IMPA2: variants seen among roughly 807,000 people sequenced by gnomAD.
IMPA2 encodes the protein IMP 2.
A neutral mutation model predicts 35.1 loss-of-function variants in IMPA2; 32 were observed. The ratio of observed to expected loss-of-function variants is 0.91; its 90% CI spans 0.69 to 1.23. IMPA2 has a LOEUF of 1.23. Ranked by LOEUF, IMPA2 falls within the 50% of genes most tolerant of loss-of-function variation. The probability of loss-of-function intolerance (pLI) is 0.00; values close to 1 mark genes in which losing one functional copy is unlikely to be tolerated. For synonymous variants in IMPA2, 135 were observed against 160.6 expected (o/e 0.84, Z 1.20); for missense variants, 334 against 387.6 (o/e 0.86, Z 1.16).
rs184924145 is a variant in IMPA2, at chr18:12,016,299, G to A, written c.490+1926G>A. On this transcript the variant is annotated intron_variant, in intron 5 of 7. Transcript: ENST00000269159. Reference sequence around the variant, plus strand: ...GCCCATTCAGGACAGGCGGTTCCACGTGTTTTCTACCATGGTTGTTTTCTT... The same window carrying A: ...GCCCATTCAGGACAGGCGGTTCCACATGTTTTCTACCATGGTTGTTTTCTT... Among the ~76,000 whole-genome samples the A allele has an allele frequency of 2.1e-3, 318 of 152,228 alleles. 3 individuals are homozygous for A. In the East Asian group the frequency reaches 0.03, roughly 14 times the overall value.
At chr18:12,005,074 C>G (rs548800352) in intron 2 of IMPA2, among the ~76,000 whole-genome samples, 1 of 152,228 alleles carries the variant, frequency 6.6e-6, no homozygotes, top group East Asian at 1.9e-4. Context: ...AGACCGAGCA[C>G]GGTTCACGCC....
At chr18:11,998,330 A>G (rs1456373162) in intron 1 of IMPA2, among the ~76,000 whole-genome samples, 1 of 152,090 alleles carries the variant, frequency 6.6e-6, no homozygotes, top group Non-Finnish European at 1.5e-5. Context: ...CCTTGCTCCT[A>G]TGTATAGCTG....
intron 2 of IMPA2, chr18:12,008,455 C>A: frequency 2.0e-6 from 1 of 492,446 alleles, no homozygotes; most frequent in South Asian, 1.5e-5. Context: ...AGGCCTCACC[C>A]TTAGTGAACT....
intron 2 of IMPA2, among the ~76,000 whole-genome samples, chr18:11,999,962 T>C (rs966638755): frequency 1.3e-5 from 2 of 152,196 alleles, no homozygotes; most frequent in Non-Finnish European, 2.9e-5. Flanking sequence ...CTGAAGACCA[T>C]GCAAGGGATC....
chr18:12,016,940 C>T (rs764219573), intron 5 of IMPA2, among the ~76,000 whole-genome samples: 1 of 152,182 alleles, frequency 6.6e-6, no homozygotes, highest in Non-Finnish European at 1.5e-5. Flanking sequence ...CAAAACCAAT[C>T]AAGTCATGCC....
chr18:11,985,167 AAAGAG>A (rs1302661411), intron 1 of IMPA2, among the ~76,000 whole-genome samples: 2 of 148,508 alleles, frequency 1.3e-5, no homozygotes, highest in African/African-American at 2.5e-5. Context: ...AAAAAAAAAA[AAAGAG>A]AAAATACAAA....
At chr18:12,012,859 T>A (rs1419459391) in intron 4 of IMPA2, among the ~76,000 whole-genome samples, 1 of 152,222 alleles carries the variant, frequency 6.6e-6, no homozygotes, top group Non-Finnish European at 1.5e-5. Flanking sequence ...GCAGCATTTG[T>A]GCAGCTTCAC....
At chr18:12,026,034 ATTT>A (rs35644462) in intron 5 of IMPA2, among the ~76,000 whole-genome samples, 15 of 109,856 alleles carry the variant, frequency 1.4e-4, no homozygotes, top group East Asian at 5.2e-4. Flanking sequence ...TCAAAAGAGC[ATTT>A]TTTTTTTTTT....
intron 2 of IMPA2, among the ~76,000 whole-genome samples, chr18:12,002,944 G>T (rs1014275300): frequency 1.3e-5 from 2 of 151,854 alleles, no homozygotes; most frequent in African/African-American, 4.8e-5. Context: ...TGTAATCCCT[G>T]CACTTTGGGA....
chr18:11,982,679 G>C (rs1906538814), intron 1 of IMPA2, among the ~76,000 whole-genome samples: 1 of 151,984 alleles, frequency 6.6e-6, no homozygotes, highest in African/African-American at 2.4e-5. Flanking sequence ...CTTAGTTCCA[G>C]CTATTTGGGA....
rs372706058 is a variant in IMPA2 at position 11,991,498 on chromosome 18, C to T, written c.97-7556C>T. 2.9e-3 allele frequency among the ~76,000 whole-genome samples: 435 copies of T among 152,272 alleles called. 2 individuals are homozygous for T. The highest frequency in any genetic ancestry group is 0.01 in the African/African-American group (416 of 41,550). The stretch of plus-strand genomic sequence containing the variant: ...ACACCATGTGATAGGCGTGTTATTA[C>T]CTGGGTACCCGATGAACTGTTAGGT... On this transcript the variant is annotated intron_variant, in intron 1 of 7. Coordinates refer to ENST00000269159, the MANE Select transcript of IMPA2 (RefSeq NM_014214.3). The surrounding 1 kb of genome is among the most constrained non-coding windows in gnomAD (Gnocchi z 4.1).
At chr18:11,988,991 T>G (rs994007707) in intron 1 of IMPA2, among the ~76,000 whole-genome samples, 1 of 152,138 alleles carries the variant, frequency 6.6e-6, no homozygotes, top group Admixed American at 6.6e-5. Context: ...CTGGATAATA[T>G]GTATTTTTTA....
At position 12,028,043 on chromosome 18, in the gene IMPA2, A is replaced by G. The variant is rs1907930776; in HGVS notation, c.491A>G (p.Asp164Gly). ...TGACAGGAAATTCTTTTTATTGCAGATCTCTCAAAGGCCTTGGTTCTGACA... is the reference window on the plus strand; with the variant it reads ...TGACAGGAAATTCTTTTTATTGCAGGTCTCTCAAAGGCCTTGGTTCTGACA... The part of the protein sequence containing the change: ...GQRLRVSGET[D>G]LSKALVLTEI... Residue 164 changes from aspartate to glycine, a missense_variant and splice_region_variant, in exon 6 of 8, where the codon GAT (aspartate) becomes GGT (glycine). Coordinates refer to ENST00000269159, the MANE Select transcript of IMPA2 (RefSeq NM_014214.3). 1 of 1,603,836 alleles carries G rather than the reference A, an allele frequency of 6.2e-7. No homozygotes were observed. The highest frequency in any genetic ancestry group is 8.5e-7 in the Non-Finnish European group (1 of 1,170,772).
intron 2 of IMPA2, among the ~76,000 whole-genome samples, chr18:12,009,280 A>AAAC (rs915857619): frequency 1.4e-4 from 21 of 151,700 alleles, no homozygotes; most frequent in African/African-American, 4.1e-4. Context: ...ATCTCTTAAA[A>AAAC]AACAACAACA....
chr18:12,028,441 G>A (rs982258471), intron 6 of IMPA2: 13 of 459,752 alleles, frequency 2.8e-5, no homozygotes, highest in South Asian at 2.0e-4. Context: ...AGTCCTTCCC[G>A]AGGGGGCCTG....
intron 2 of IMPA2, among the ~76,000 whole-genome samples, chr18:12,005,733 G>A (rs985767512): frequency 4.6e-5 from 7 of 152,186 alleles, no homozygotes; most frequent in Non-Finnish European, 8.8e-5. Flanking sequence ...GGCATGCCGC[G>A]TGGGTGGTCT....
intron 2 of IMPA2, among the ~76,000 whole-genome samples, chr18:12,005,731 G>A (rs955349194): frequency 2.6e-5 from 4 of 152,182 alleles, no homozygotes; most frequent in Admixed American, 1.3e-4. Flanking sequence ...TGGGCATGCC[G>A]CGTGGGTGGT....
chr18:12,027,281 G>A (rs756004932), intron 5 of IMPA2, among the ~76,000 whole-genome samples: 40 of 152,174 alleles, frequency 2.6e-4, no homozygotes, highest in Admixed American at 3.9e-4. Context: ...TCCCGGTCAC[G>A]TCCTGCCCTG....
At position 12,009,925 on chromosome 18, in the gene IMPA2, G is replaced by A; in HGVS notation, c.273G>A (p.Val91=). ...EEAAASGAKC[V]LTHSPTWIID... ...CCGCGGCTTCTGGGGCCAAGTGTGT[G>A]CTCACCCACAGCCCGACGTGGATCA... is the stretch of plus-strand genomic sequence containing the variant. Residue 91 remains valine, a synonymous_variant, in exon 3 of 8, where the codon GTG becomes GTA. Transcript: ENST00000269159. 6.2e-7 allele frequency: 1 copy of A among 1,614,152 alleles called. No individual in the cohort carries two copies. The highest frequency in any genetic ancestry group is 1.1e-5 in the South Asian group (1 of 91,090).
Sources: gnomAD v4.1 joint callset for allele counts (sites outside exome capture counted in the v4.1 genomes callset) on GRCh38, gnomAD v4.1.1 for gene constraint, Gnocchi (gnomAD v3.1) non-coding constraint, MANE v1.5 for transcripts, NCBI Gene and HGNC (gene_info 2026-07-23, HGNC 2026-07-21) for gene names.